ACBD6: variants seen among roughly 807,000 people sequenced by gnomAD.
ACBD6 encodes acyl-CoA binding domain containing 6.
A neutral mutation model predicts 37.2 loss-of-function variants in ACBD6; 28 were observed. The ratio of observed to expected loss-of-function variants is 0.75; its 90% CI spans 0.56 to 1.03. The LOEUF (loss-of-function observed/expected upper bound fraction) is 1.03, where lower values mean the gene tolerates loss of function less well. Ranked by LOEUF, ACBD6 falls within the 50% of genes least tolerant of loss-of-function variation. The pLI is 0.00. For synonymous variants in ACBD6, 113 were observed against 126.8 expected (o/e 0.89, Z 0.73); for missense variants, 340 against 337.4 (o/e 1.01, Z -0.06).
chr1:180,393,040 T>C (rs975678189), intron 6 of ACBD6, among the ~76,000 whole-genome samples: 6 of 152,226 alleles, frequency 3.9e-5, no homozygotes, highest in Non-Finnish European at 7.3e-5. Flanking sequence ...TTTTAATCTT[T>C]CTTCAGGGCT....
chr1:180,413,193 C>T (rs768937755), intron 5 of ACBD6, among the ~76,000 whole-genome samples, 173 bp downstream of exon 5: 1 of 152,142 alleles, frequency 6.6e-6, no homozygotes, highest in Non-Finnish European at 1.5e-5. Context: ...ATATGTTGGA[C>T]ATAATCACAG....
intron 3 of ACBD6, among the ~76,000 whole-genome samples, chr1:180,452,165 C>T (rs138093351): frequency 3.2e-4 from 49 of 152,096 alleles, no homozygotes; most frequent in African/African-American, 1.0e-3. Context: ...GATCTAAAAT[C>T]GACACCCTAA....
intron 6 of ACBD6, among the ~76,000 whole-genome samples, chr1:180,380,123 T>C (rs1653581627): frequency 6.6e-6 from 1 of 152,046 alleles, no homozygotes; most frequent in Non-Finnish European, 1.5e-5. Flanking sequence ...CAGTTGAGCA[T>C]GGTGACCCTC....
chr1:180,426,569 TG>T, intron 4 of ACBD6, among the ~76,000 whole-genome samples: 1 of 152,336 alleles, frequency 6.6e-6, no homozygotes, highest in Admixed American at 6.5e-5. Context: ...CTAAAAATAT[TG>T]GCTCTCCCTT....
rs1382370575 is a variant in ACBD6 at position 180,288,475 on chromosome 1, T to C, written c.737A>G (p.Gln246Arg). Residue 246 changes from glutamine (Q) to arginine (R), a missense_variant, in exon 8 of 8, where the codon CAG becomes CGG. Gln to Arg is a conservative substitution (Grantham distance 43, BLOSUM62 1). Transcript: ENST00000367595. The part of the protein sequence containing the change: ...EFLDIVELLL[Q>R]SGADPTLRDQ... ...TCGGAGAGTGGGGTCAGCACCAGAC[T>C]GGAGCAGCAGCTCTACAATATCCAG... 1 of 1,613,734 alleles carries C rather than the reference T, an allele frequency of 6.2e-7. No individual in the cohort carries two copies. The highest frequency in any genetic ancestry group is 1.1e-5 in the South Asian group (1 of 91,020).
intron 3 of ACBD6, among the ~76,000 whole-genome samples, chr1:180,479,947 C>T (rs1239429392): frequency 1.3e-5 from 2 of 152,060 alleles, no homozygotes; most frequent in Non-Finnish European, 2.9e-5. Flanking sequence ...AGAGATCGCA[C>T]CACTGCACTC....
intron 6 of ACBD6, among the ~76,000 whole-genome samples, chr1:180,341,890 GCTGTTC>G (rs1651997086): frequency 6.6e-6 from 1 of 151,730 alleles, no homozygotes; most frequent in Admixed American, 6.6e-5. Context: ...TTATTACTTA[GCTGTTC>G]CAAGGAAAAA....
rs561431518 is a variant in ACBD6 at position 180,280,403 on chromosome 1, A to G, written c.*174+903T>C. ...CATAGAACAATTTACTTAGGTACAA[A>G]GCAGGAGGTTGGGCTCTGGACCTCT... On this transcript the variant is annotated intron_variant, in intron 9 of 13. Transcript: ENST00000642319. Among the ~76,000 whole-genome samples, 60 of 152,264 alleles carry G rather than the reference A, an allele frequency of 3.9e-4. 1 individual carries two copies. In the South Asian group the frequency reaches 0.011, roughly 28 times the overall value.
chr1:180,454,898 A>T (rs1353753547), intron 3 of ACBD6, among the ~76,000 whole-genome samples: 1 of 152,356 alleles, frequency 6.6e-6, no homozygotes, highest in South Asian at 2.1e-4. Context: ...GTGGAGAAAT[A>T]GGAACACTTT....
At chr1:180,333,323 C>T (rs1269046284) in intron 6 of ACBD6, among the ~76,000 whole-genome samples, 1 of 151,970 alleles carries the variant, frequency 6.6e-6, no homozygotes, top group African/African-American at 2.4e-5. Context: ...ATTGGATATG[C>T]ATATCTAGTT....
chr1:180,430,927 T>C (rs1468800624), intron 3 of ACBD6, among the ~76,000 whole-genome samples: 1 of 152,172 alleles, frequency 6.6e-6, no homozygotes, highest in Admixed American at 6.6e-5. Flanking sequence ...ACCTGGATAA[T>C]ACTGTCTGCA....
chr1:180,316,637 A>G (rs562467330), intron 6 of ACBD6, among the ~76,000 whole-genome samples: 5 of 152,314 alleles, frequency 3.3e-5, no homozygotes, highest in Admixed American at 3.3e-4. Context: ...TGGAGGTGGA[A>G]GAAAGCATAA....
chr1:180,491,330 T>C (rs952357623), intron 3 of ACBD6, among the ~76,000 whole-genome samples: 14 of 152,328 alleles, frequency 9.2e-5, no homozygotes, highest in African/African-American at 3.4e-4. Flanking sequence ...CTGAAATACC[T>C]GTTAATCATT....
intron 3 of ACBD6, among the ~76,000 whole-genome samples, chr1:180,490,086 T>C: frequency 6.6e-6 from 1 of 151,206 alleles, no homozygotes; most frequent in East Asian, 1.9e-4. Context: ...TCACCAATAG[T>C]GTAGTATAAA....
chr1:180,370,219 G>C (rs1236090853), intron 6 of ACBD6, among the ~76,000 whole-genome samples: 1 of 152,178 alleles, frequency 6.6e-6, no homozygotes, highest in Non-Finnish European at 1.5e-5. Context: ...CACAAAAGAG[G>C]GGGGTTTAAA....
At chr1:180,372,832 C>T (rs550631502) in intron 6 of ACBD6, among the ~76,000 whole-genome samples, 2 of 152,232 alleles carry the variant, frequency 1.3e-5, no homozygotes, top group South Asian at 4.2e-4. Flanking sequence ...AAGACTTTGC[C>T]CTTAACAGAA....
In ACBD6 at chr1:180,391,128, T is replaced by C. The variant is rs561002110; in HGVS notation, c.663+6388A>G. 3.3e-5 allele frequency among the ~76,000 whole-genome samples: 5 copies of C among 152,278 alleles called. No individual in the cohort carries two copies. In the South Asian group the frequency reaches 8.3e-4, roughly 25 times the overall value. On this transcript the variant is annotated intron_variant, in intron 6 of 7. Transcript: ENST00000367595. ...GTGGTGAAACAACTGGATATCCATA[T>C]GTAAAAGAATGAAGTTAGACCCCTA...
chr1:180,272,068 C>T lies in ACBD6; in HGVS notation c.*1254-97G>A, dbSNP rs1571296042. On this transcript the variant is annotated intron_variant, in intron 13 of 13. Transcript: ENST00000642319. ...GAAAGTCCCCTGGGAATCTGTAATC[C>T]CTGGCACTCAGGAGGGATCTTTCTT... 8 of 1,487,500 alleles carry T rather than the reference C, an allele frequency of 5.4e-6. No individual in the cohort carries two copies. The East Asian group carries it at 1.6e-4, about 30-fold the overall frequency. 92.1% of individuals were successfully genotyped at this position (1,487,500 alleles called of 1,614,324 possible).
intron 6 of ACBD6, among the ~76,000 whole-genome samples, chr1:180,384,375 A>C (rs1054349539): frequency 3.3e-5 from 5 of 152,186 alleles, no homozygotes; most frequent in Admixed American, 6.5e-5. Flanking sequence ...AAAGTAGACA[A>C]ACAAATAGCT....
Sources: allele counts gnomAD v4.1 joint callset (sites outside exome capture counted in the v4.1 genomes callset), GRCh38; gene constraint gnomAD v4.1.1; transcripts MANE v1.5; gene names NCBI Gene and HGNC (gene_info 2026-07-23, HGNC 2026-07-21).